The following FGGY variants were observed in gnomAD, a reference collection of about 807,000 sequenced individuals.
The protein encoded by FGGY is FGGY carbohydrate kinase domain containing, also known as FGGY carbohydrate kinase domain-containing protein.
FGGY carries 72 observed loss-of-function variants against 71.3 expected under a neutral mutation model. That is an observed-to-expected ratio of 1.01 (90% CI 0.84 to 1.23). The LOEUF is 1.23. Ranked by LOEUF, FGGY falls within the 50% of genes most tolerant of loss-of-function variation. The pLI, the probability that FGGY is intolerant of heterozygous loss-of-function variation, is 0.00. For missense variants in FGGY, 668 were observed against 682.3 expected, an observed-to-expected ratio of 0.98 and a Z score of 0.23; for synonymous variants, 251 against 250.3, an observed-to-expected ratio of 1.00 and a Z score of -0.02.
chr1:59,745,017 T>C (rs913567050), intron 14 of FGGY, among the ~76,000 whole-genome samples: 2 of 152,208 alleles, frequency 1.3e-5, no homozygotes, highest in East Asian at 3.9e-4. Flanking sequence ...CACCTGTCAC[T>C]CTATCTGTCT....
At chr1:59,451,582 A>G (rs1452150560) in intron 5 of FGGY, among the ~76,000 whole-genome samples, 1 of 152,112 alleles carries the variant, frequency 6.6e-6, no homozygotes, top group African/African-American at 2.4e-5. Flanking sequence ...AGAGTGAGAA[A>G]GGGTCTCAGT....
intron 2 of FGGY, among the ~76,000 whole-genome samples, chr1:59,336,331 T>C (rs966579498): frequency 2.0e-5 from 3 of 152,150 alleles, no homozygotes; most frequent in African/African-American, 7.2e-5. Flanking sequence ...ATTTATAAAT[T>C]TATCCTTATA....
chr1:59,531,116 G>A (rs949386265), intron 7 of FGGY, among the ~76,000 whole-genome samples: 2 of 152,168 alleles, frequency 1.3e-5, no homozygotes, highest in Non-Finnish European at 2.9e-5. Context: ...TGATGGCATG[G>A]CACTATTTAA....
chr1:59,566,186 G>A (rs1287716637), intron 8 of FGGY, among the ~76,000 whole-genome samples: 3 of 152,048 alleles, frequency 2.0e-5, no homozygotes, highest in Admixed American at 2.0e-4. Flanking sequence ...TCCTTTTCCA[G>A]AAGTTTGGTG....
intron 7 of FGGY, among the ~76,000 whole-genome samples, chr1:59,548,140 T>C (rs1276990512): frequency 6.6e-6 from 1 of 152,174 alleles, no homozygotes; most frequent in South Asian, 2.1e-4. Flanking sequence ...TGGGGAGATG[T>C]GATCAGGAAA....
chr1:59,659,789 A>G (rs1328592621), intron 11 of FGGY, among the ~76,000 whole-genome samples: 2 of 152,244 alleles, frequency 1.3e-5, no homozygotes, highest in Non-Finnish European at 2.9e-5. Context: ...TGGATTGGAC[A>G]CTGAATGCTG....
At chr1:59,345,717 GA>G (rs35234505) in intron 3 of FGGY, among the ~76,000 whole-genome samples, 41 of 142,814 alleles carry the variant, frequency 2.9e-4, no homozygotes, top group East Asian at 6.1e-4. Context: ...ACCAAATGAG[GA>G]AAAAAAAAAA....
intron 7 of FGGY, among the ~76,000 whole-genome samples, chr1:59,534,623 A>G (rs1478042813): frequency 1.3e-5 from 2 of 152,224 alleles, no homozygotes; most frequent in Non-Finnish European, 2.9e-5. Flanking sequence ...TCAGACTAAC[A>G]GCGGATCTCT....
rs1441666392 is a variant in FGGY at position 59,730,020 on chromosome 1, T to G, written c.1513-27911T>G. On this transcript the variant is annotated intron_variant, in intron 14 of 15. Coordinates refer to ENST00000303721, the MANE Select transcript of FGGY (RefSeq NM_018291.5). Reference sequence around the variant, plus strand: ...CAAGAGGGGATCATTCTTGACTCTTTGGATTCCTGGAGGTAAAACCGATGA... The same window carrying G: ...CAAGAGGGGATCATTCTTGACTCTTGGGATTCCTGGAGGTAAAACCGATGA... 7.9e-5 allele frequency among the ~76,000 whole-genome samples: 12 copies of G among 152,306 alleles called. No homozygotes were observed. The South Asian group carries it at 1.2e-3, about 16-fold the overall frequency.
chr1:59,590,674 C>A (rs1455350282), intron 8 of FGGY, among the ~76,000 whole-genome samples: 2 of 152,168 alleles, frequency 1.3e-5, no homozygotes, highest in East Asian at 3.9e-4. Context: ...ATAAACAGAA[C>A]CAAAGGAAAA....
intron 5 of FGGY, among the ~76,000 whole-genome samples, chr1:59,389,417 A>G (rs889671933): frequency 6.6e-6 from 1 of 152,312 alleles, no homozygotes; most frequent in Non-Finnish European, 1.5e-5. Flanking sequence ...TTTATGACTG[A>G]ATAATCACAT....
intron 8 of FGGY, among the ~76,000 whole-genome samples, chr1:59,604,010 CAG>C (rs2096600817): frequency 6.6e-6 from 1 of 152,198 alleles, no homozygotes; most frequent in African/African-American, 2.4e-5. Flanking sequence ...GGAATAATAA[CAG>C]AATTTTTAAG....
chr1:59,685,242 G>C (rs1369101716), intron 14 of FGGY, among the ~76,000 whole-genome samples: 1 of 152,024 alleles, frequency 6.6e-6, no homozygotes, highest in Non-Finnish European at 1.5e-5. Flanking sequence ...ATTTCCTTCT[G>C]CTTGAGGGAA....
intron 4 of FGGY, among the ~76,000 whole-genome samples, chr1:59,369,877 C>T (rs1287674517): frequency 6.6e-6 from 1 of 152,190 alleles, no homozygotes; most frequent in African/African-American, 2.4e-5. Flanking sequence ...GGAAAACTAA[C>T]AAACAGAAAG....
At chr1:59,673,987 C>T (rs2097407764) in intron 13 of FGGY, 52 bp from the exon 14 acceptor site, 1 of 1,551,878 alleles carries the variant, frequency 6.4e-7, no homozygotes, top group East Asian at 2.3e-5. Flanking sequence ...GTTGGCTCCT[C>T]ACACTCCCCT....
At chr1:59,587,404 G>C (rs182940705) in intron 8 of FGGY, among the ~76,000 whole-genome samples, 1 of 152,098 alleles carries the variant, frequency 6.6e-6, no homozygotes, top group African/African-American at 2.4e-5. Flanking sequence ...AACCCCTGCC[G>C]ACTTAAATGT....
chr1:59,348,393 A>G (rs770630573), intron 4 of FGGY, among the ~76,000 whole-genome samples: 2 of 152,180 alleles, frequency 1.3e-5, no homozygotes, highest in Non-Finnish European at 2.9e-5. Context: ...TCTCTGGTCA[A>G]AGCACTTGCA....
chr1:59,535,864 C>A (rs1166002608), intron 7 of FGGY, among the ~76,000 whole-genome samples: 44 of 146,832 alleles, frequency 3.0e-4, no homozygotes, highest in Non-Finnish European at 1.5e-5. Context: ...GCACTAAATG[C>A]CCACAAGAGA....
intron 14 of FGGY, among the ~76,000 whole-genome samples, chr1:59,694,149 C>T (rs557452890): frequency 1.3e-5 from 2 of 148,478 alleles, no homozygotes; most frequent in East Asian, 4.0e-4. Flanking sequence ...ATTAGCTGGG[C>T]ACAGTGGCGG....
Sources: allele counts gnomAD v4.1 joint callset (sites outside exome capture counted in the v4.1 genomes callset), GRCh38; gene constraint gnomAD v4.1.1; transcripts MANE v1.5; gene names NCBI Gene and HGNC (gene_info 2026-07-23, HGNC 2026-07-21).